The following CFAP61 variants were observed in gnomAD, a reference collection of about 807,000 sequenced individuals.
CFAP61 encodes cilia- and flagella-associated protein 61.
A neutral mutation model predicts 135.6 loss-of-function variants in CFAP61; 107 were observed. The ratio of observed to expected loss-of-function variants is 0.79; its 90% CI spans 0.67 to 0.93. CFAP61 has a LOEUF of 0.93. Ranked by LOEUF, CFAP61 falls within the 40% of genes least tolerant of loss-of-function variation. The pLI is 0.00. For synonymous variants in CFAP61, 575 were observed against 578.5 expected (o/e 0.99, Z 0.09); for missense variants, 1,507 against 1,556.2 (o/e 0.97, Z 0.53).
At chr20:20,340,535 C>T (rs6112871) in intron 25 of CFAP61, among the ~76,000 whole-genome samples, 3,543 of 152,112 alleles carry the variant, frequency 0.023, 134 homozygotes, top group African/African-American at 0.08. Flanking sequence ...CTGAAGCAGA[C>T]GATGAAGGGT....
intron 25 of CFAP61, chr20:20,322,803 A>C (rs1298484508): frequency 1.0e-6 from 1 of 985,266 alleles, no homozygotes; most frequent in East Asian, 1.1e-4. Flanking sequence ...CTATCATGTT[A>C]TTAATATGGT....
intron 4 of CFAP61, 44 bp downstream of exon 4, chr20:20,074,422 T>G (rs756426498): frequency 1.3e-6 from 2 of 1,498,156 alleles, no homozygotes; most frequent in Admixed American, 3.4e-5. Flanking sequence ...AAAGAGACTG[T>G]GTGGATAGTT....
intron 25 of CFAP61, among the ~76,000 whole-genome samples, chr20:20,325,923 A>ATT (rs147155175): frequency 1.3e-3 from 195 of 152,270 alleles, no homozygotes; most frequent in African/African-American, 4.5e-3. Flanking sequence ...GTTGTTTTTA[A>ATT]TTTGAAATTC....
chr20:20,231,957 G>T (rs1472200187), intron 18 of CFAP61, among the ~76,000 whole-genome samples: 1 of 151,964 alleles, frequency 6.6e-6, no homozygotes, highest in Non-Finnish European at 1.5e-5. Flanking sequence ...CGTTCTTTGG[G>T]ACTGAAAGTT....
At chr20:20,292,326 C>G (rs1353689755) in intron 24 of CFAP61, among the ~76,000 whole-genome samples, 1 of 152,186 alleles carries the variant, frequency 6.6e-6, no homozygotes, top group African/African-American at 2.4e-5. Context: ...ATGTTTAAAA[C>G]TTATTTCCCT....
At chr20:20,081,026 T>G (rs1051087928) in intron 6 of CFAP61, among the ~76,000 whole-genome samples, 3 of 151,754 alleles carry the variant, frequency 2.0e-5, no homozygotes, top group African/African-American at 7.3e-5. Context: ...AGAAAAAAGG[T>G]TCCCTGTTAG....
Position 20,298,309 on chromosome 20 carries a change from C to T in CFAP61, c.3345C>T (p.Arg1115=), listed in dbSNP as rs1269283568. The change falls in exon 25 of 27, where the codon CGC becomes CGT. Residue 1115 remains arginine (R), a synonymous_variant. Coordinates refer to ENST00000245957, the MANE Select transcript of CFAP61 (RefSeq NM_015585.4). ...REPFPASNYI[R]LFGQHEQLLN... ...CCTTCCCCGCCTCCAACTACATCCG[C>T]TTGTTTGGCCAGCACGAGCAACTCC... 1.9e-6 allele frequency: 3 copies of T among 1,614,166 alleles called. No homozygotes were observed. The highest frequency in any genetic ancestry group is 1.1e-5 in the South Asian group (1 of 91,076).
intron 13 of CFAP61, chr20:20,171,668 G>T: frequency 2.2e-6 from 1 of 458,560 alleles, no homozygotes; most frequent in Non-Finnish European, 3.9e-6. Context: ...AATTTATTAT[G>T]TAATGCATTA....
At chr20:20,302,672 A>C (rs986235382) in intron 25 of CFAP61, among the ~76,000 whole-genome samples, 1 of 151,382 alleles carries the variant, frequency 6.6e-6, no homozygotes, top group Non-Finnish European at 1.5e-5. Flanking sequence ...AAAAATAAAA[A>C]TAAAAAGTTA....
intron 24 of CFAP61, among the ~76,000 whole-genome samples, chr20:20,294,821 G>A (rs35718396): frequency 3.2e-4 from 48 of 150,654 alleles, no homozygotes; most frequent in Non-Finnish European, 5.8e-4. Flanking sequence ...CCAGCTACTC[G>A]GGAGGCTGAG....
chr20:20,078,591 TG>T (rs1568848973), intron 6 of CFAP61, among the ~76,000 whole-genome samples: 1 of 151,830 alleles, frequency 6.6e-6, no homozygotes, highest in Non-Finnish European at 1.5e-5. Flanking sequence ...TGTCAGTAAG[TG>T]GGGAGATCAT....
chr20:20,246,172 A>G lies in CFAP61; in HGVS notation c.2116A>G (p.Lys706Glu). ...GATTTCAACTCATGGACTCCCAGGAAAAAAACTTCTGGACACTGAACAAAG... is the reference window on the plus strand; with the variant it reads ...GATTTCAACTCATGGACTCCCAGGAGAAAAACTTCTGGACACTGAACAAAG... The part of the protein sequence containing the change: ...TLISTHGLPG[K>E]KLLDTEQRKF... Residue 706 changes from lysine to glutamate, a missense_variant, in exon 19 of 27, where the codon AAA becomes GAA. By Grantham distance (56) the Lys-to-Glu change is moderately conservative. Transcript: ENST00000245957. 1 of 1,613,950 alleles carries G rather than the reference A, an allele frequency of 6.2e-7. No individual in the cohort carries two copies. Among genetic ancestry groups the G allele is most frequent in the Non-Finnish European group, 8.5e-7 (1 of 1,179,788 alleles).
chr20:20,114,866 A>C (rs1159854197), intron 8 of CFAP61, among the ~76,000 whole-genome samples: 27 of 152,328 alleles, frequency 1.8e-4, no homozygotes, highest in African/African-American at 6.5e-4. Flanking sequence ...GTGAATACTC[A>C]TTATCAGGTC....
chr20:20,106,000 C>CTATACATATACATATA (rs1277233037), intron 8 of CFAP61, among the ~76,000 whole-genome samples: 1 of 102,644 alleles, frequency 9.7e-6, no homozygotes, highest in Admixed American at 1.0e-4. Flanking sequence ...CTACTCTTGC[C>CTATACATATACATATA]TATATATATA....
chr20:20,176,217 G>A (rs564550188), intron 13 of CFAP61, among the ~76,000 whole-genome samples: 1 of 152,284 alleles, frequency 6.6e-6, no homozygotes, highest in African/African-American at 2.4e-5. Flanking sequence ...ATGCTGGCGA[G>A]ACTATGGAGA....
intron 1 of CFAP61, among the ~76,000 whole-genome samples, chr20:20,054,001 T>TG (rs1255918681): frequency 7.1e-6 from 1 of 139,972 alleles, no homozygotes; most frequent in Non-Finnish European, 1.6e-5. Context: ...TCTGTGTGTG[T>TG]TTTTTTTGTT....
intron 25 of CFAP61, among the ~76,000 whole-genome samples, chr20:20,302,237 C>A (rs2056154191): frequency 1.3e-5 from 2 of 152,156 alleles, no homozygotes; most frequent in Non-Finnish European, 2.9e-5. Flanking sequence ...GAATAATTTA[C>A]CTGTAGATTT....
intron 21 of CFAP61, among the ~76,000 whole-genome samples, chr20:20,272,245 G>A (rs183473372): frequency 3.3e-4 from 50 of 152,228 alleles, no homozygotes; most frequent in African/African-American, 1.2e-3. Flanking sequence ...TTCACTACCA[G>A]CCTGGCCAAC....
At chr20:20,260,067 C>A (rs1045147557) in intron 20 of CFAP61, among the ~76,000 whole-genome samples, 2 of 152,180 alleles carry the variant, frequency 1.3e-5, no homozygotes, top group Admixed American at 6.5e-5. Flanking sequence ...CTTTTCAGGG[C>A]TAGTGACCTC....
Sources: gnomAD v4.1 joint callset for allele counts (sites outside exome capture counted in the v4.1 genomes callset) on GRCh38, gnomAD v4.1.1 for gene constraint, MANE v1.5 for transcripts, NCBI Gene and HGNC (gene_info 2026-07-23, HGNC 2026-07-21) for gene names.